The following NPC1 variants were observed in gnomAD, a reference collection of about 807,000 sequenced individuals.
The protein encoded by NPC1 is NPC intracellular cholesterol transporter 1.
In NPC1, 85 loss-of-function variants were observed where a neutral mutation model predicts 140.4. The ratio of observed to expected loss-of-function variants is 0.61; its 90% confidence interval spans 0.51 to 0.72. NPC1 has a LOEUF of 0.72. Among genes scored for constraint, NPC1 ranks in the 30% least tolerant of loss-of-function variants. NPC1 has a pLI of 0.00. For missense variants in NPC1, 1,504 were observed against 1,623.8 expected (o/e 0.93, Z 1.27); for synonymous variants, 656 against 624.8 (o/e 1.05, Z -0.74).
At chr18:23,515,753 G>A (rs1215855519) in intron 3 of NPC1, 17 of 1,387,458 alleles carry the variant, frequency 1.2e-5, no homozygotes, top group African/African-American at 8.6e-5. Flanking sequence ...GGCTGGTCTC[G>A]AACTCCTGAC....
chr18:23,528,061 A>G (rs2058360112), downstream of NPC1: 2 of 578,286 alleles, frequency 3.5e-6, no homozygotes, highest in Admixed American at 3.5e-5. Context: ...GGGATAGTGG[A>G]GGAGTAGTAA....
At chr18:23,571,203 C>T (rs1346936853) in intron 3 of NPC1, among the ~76,000 whole-genome samples, 4 of 147,406 alleles carry the variant, frequency 2.7e-5, no homozygotes, top group Non-Finnish European at 5.9e-5. Context: ...TGTAAGAGTG[C>T]TTTCTTAAAA....
intron 12 of NPC1, 114 bp downstream of exon 12, chr18:23,544,846 G>A (rs917641106): frequency 2.1e-5 from 17 of 797,056 alleles, no homozygotes; most frequent in Non-Finnish European, 3.4e-5. Context: ...AAAACATGGG[G>A]GAATTTATGG....
intron 4 of NPC1, 68 bp from the exon 5 acceptor site, chr18:23,561,595 CA>C (rs1302795005): frequency 6.6e-7 from 1 of 1,517,700 alleles, no homozygotes; most frequent in African/African-American, 1.4e-5. Context: ...CAAGATCTTA[CA>C]AAAGGCCTCT....
At chr18:23,550,513 A>G (rs4800491) in intron 10 of NPC1, among the ~76,000 whole-genome samples, 42,044 of 91,074 alleles carry the variant, frequency 0.46, 8,325 homozygotes, top group East Asian at 0.58. Flanking sequence ...ATGGAGTCTC[A>G]CTCTGTCGCC....
At position 23,531,920 on chromosome 18, in the gene NPC1, C is replaced by T; in HGVS notation, c.*282G>A. 6.9e-7 allele frequency: 1 copy of T among 1,442,712 alleles called. No homozygotes were observed. Among genetic ancestry groups the T allele is most frequent in the East Asian group, 2.5e-5 (1 of 40,154 alleles). The allele number at this position is 1,442,712 out of a possible 1,614,324, so 89.4% of individuals were successfully genotyped here. On this transcript the variant is annotated 3_prime_UTR_variant, in exon 25 of 25. Coordinates refer to ENST00000269228, the MANE Select transcript of NPC1 (RefSeq NM_000271.5). ...AGTGTCAGTGAGCGGATCACATTCA[C>T]AGCCATCTAGTGTCACCTCCTGCTT...
chr18:23,572,019 T>C (rs1288849641), intron 3 of NPC1, 55 bp downstream of exon 3: 2 of 1,043,426 alleles, frequency 1.9e-6, no homozygotes, highest in Non-Finnish European at 3.0e-6. Flanking sequence ...AGCTGAGCAT[T>C]ACCAGTTCAC....
At chr18:23,548,206 A>G (rs562732448) in intron 10 of NPC1, 98 bp from the exon 11 acceptor site, 8 of 768,348 alleles carry the variant, frequency 1.0e-5, no homozygotes, top group Non-Finnish European at 1.9e-5. Context: ...TTCTCACTGG[A>G]GCTATGGACT....
Position 23,560,113 on chromosome 18 carries a change from G to A in NPC1, c.881+118C>T, listed in dbSNP as rs961911260. ...GTAGGACACAATAATCCATGCAATG[G>A]TATTCATGGAGGTATTTGTTTCTTG... On this transcript the variant is annotated intron_variant, in intron 6 of 24. Transcript: ENST00000269228. 89 of 1,173,588 alleles carry A rather than the reference G, an allele frequency of 7.6e-5. 1 individual carries two copies. Among genetic ancestry groups the A allele is most frequent in the Middle Eastern group, 6.1e-4 (3 of 4,944 alleles). The allele number at this position is 1,173,588 out of a possible 1,614,324, so 72.7% of individuals were successfully genotyped here.
In NPC1 at chr18:23,572,116, G is replaced by A. The variant is rs1248676783; in HGVS notation, c.245C>T (p.Thr82Ile). 3.7e-6 allele frequency: 6 copies of A among 1,613,876 alleles called. No homozygotes were observed. The Admixed American group carries it at 8.3e-5, about 22-fold the overall frequency. Residue 82 changes from threonine (T) to isoleucine (I), a missense_variant, in exon 3 of 25, where the codon ACA becomes ATA. Thr to Ile is a moderately conservative substitution (Grantham distance 89, BLOSUM62 -1). Transcript: ENST00000269228. ...AGGCAGCTGCAGGTTGTCTTTTAGTGTCTGAAGCTGCCGAACATCACAACA... is the reference window on the plus strand; with the variant it reads ...AGGCAGCTGCAGGTTGTCTTTTAGTATCTGAAGCTGCCGAACATCACAACA... ...SLCCDVRQLQ[T>I]LKDNLQLPLQ...
downstream of NPC1, chr18:23,529,203 A>G (rs1167199484): frequency 1.9e-6 from 3 of 1,613,874 alleles, no homozygotes. Flanking sequence ...GCAGAGCCGA[A>G]GCAGCCCGCT....
chr18:23,547,464 G>C (rs181267846), intron 11 of NPC1, among the ~76,000 whole-genome samples: 186 of 152,250 alleles, frequency 1.2e-3, no homozygotes, highest in Non-Finnish European at 2.4e-3. Flanking sequence ...CAGGTGGCTG[G>C]GTGCAGTGGC....
At chr18:23,530,687 G>A (rs141714570), downstream of NPC1, 154 of 1,416,292 alleles carry the variant, frequency 1.1e-4, 1 homozygote, top group African/African-American at 1.8e-3. Context: ...GCTGGTGGGC[G>A]AGGACCCTGG....
intron 1 of NPC1, among the ~76,000 whole-genome samples, chr18:23,576,301 GTCCC>G (rs1378901751): frequency 1.3e-5 from 2 of 152,078 alleles, no homozygotes; most frequent in African/African-American, 4.8e-5. Context: ...CATGCCCATA[GTCCC>G]AGCTACTCCG....
At chr18:23,512,795 G>A (rs2057897945) in intron 3 of NPC1, among the ~76,000 whole-genome samples, 1 of 152,006 alleles carries the variant, frequency 6.6e-6, no homozygotes, top group Non-Finnish European at 1.5e-5. Flanking sequence ...CTGTTTTTAA[G>A]TGTTCAGTTC....
rs1243091215 is a variant in NPC1 at position 23,541,007 on chromosome 18, G to A, written c.2514+61C>T. ...CCTTCCCAGGCTGTCTGGCTTCTTAGAAGGCATGTGATAATCTGTTTCAGT... is the reference window on the plus strand; with the variant it reads ...CCTTCCCAGGCTGTCTGGCTTCTTAAAAGGCATGTGATAATCTGTTTCAGT... On this transcript the variant is annotated intron_variant, in intron 16 of 24. Transcript: ENST00000269228. 3.8e-6 allele frequency: 6 copies of A among 1,579,662 alleles called. No homozygotes were observed. In the East Asian group the frequency reaches 6.7e-5, roughly 18 times the overall value.
intron 22 of NPC1, among the ~76,000 whole-genome samples, chr18:23,535,256 C>CA (rs748918931): frequency 1.3e-5 from 2 of 152,150 alleles, no homozygotes; most frequent in Non-Finnish European, 2.9e-5. Context: ...CCTATGCTCC[C>CA]AGATGTCCAA....
rs768580850 is a variant in NPC1 at position 23,536,765 on chromosome 18, A to G, written c.3153T>C (p.Phe1051=). ...YHTVLQTSAD[F]IDALKKARLI... is the part of the protein sequence containing the mutation. Reference sequence around the variant, plus strand: ...GTCGGGCTTTCTTCAGAGCGTCAATAAAGTCAGCAGAGGTCTGCAGCACGG... The same window carrying G: ...GTCGGGCTTTCTTCAGAGCGTCAATGAAGTCAGCAGAGGTCTGCAGCACGG... The change falls in exon 21 of 25, where the codon TTT becomes TTC. Residue 1051 remains phenylalanine (F), a synonymous_variant. Transcript: ENST00000269228. 4 of 1,614,164 alleles carry G rather than the reference A, an allele frequency of 2.5e-6. No individual in the cohort carries two copies. Among genetic ancestry groups the G allele is most frequent in the South Asian group, 1.1e-5 (1 of 91,078 alleles).
At chr18:23,544,814 A>C (rs1026081411) in intron 12 of NPC1, 146 bp downstream of exon 12, 13 of 711,052 alleles carry the variant, frequency 1.8e-5, no homozygotes, top group Non-Finnish European at 3.1e-5. Flanking sequence ...AGATGTAGGC[A>C]ACAGAAACGT....
Sources: allele counts gnomAD v4.1 joint callset (sites outside exome capture counted in the v4.1 genomes callset), GRCh38; gene constraint gnomAD v4.1.1; transcripts MANE v1.5; gene names NCBI Gene and HGNC (gene_info 2026-07-23, HGNC 2026-07-21).